ADAMTS17: variants seen among roughly 807,000 people sequenced by gnomAD.
ADAMTS17 encodes the protein ADAM metallopeptidase with thrombospondin type 1 motif 17, also known as A disintegrin and metalloproteinase with thrombospondin motifs 17.
A neutral mutation model predicts 141.5 loss-of-function variants in ADAMTS17; 113 were observed. The observed-to-expected ratio is 0.80, with a 90% CI of 0.69 to 0.93. ADAMTS17 has a LOEUF of 0.93. ADAMTS17 is among the 40% of genes least tolerant of loss of function. ADAMTS17 has a pLI of 0.00. For synonymous variants in ADAMTS17, 768 were observed against 630.6 expected (o/e 1.22, Z -3.27); for missense variants, 1,659 against 1,517.9 (o/e 1.09, Z -1.54).
chr15:100,107,977 G>A (rs947118492), intron 14 of ADAMTS17, among the ~76,000 whole-genome samples: 9 of 151,990 alleles, frequency 5.9e-5, no homozygotes, highest in Non-Finnish European at 7.4e-5. Flanking sequence ...ACAAAGCTTC[G>A]ACACCCACTC....
In ADAMTS17 at chr15:100,155,304, C is replaced by T. The variant is rs913400724; in HGVS notation, c.1198G>A (p.Asp400Asn). ...ELGHNLGMNH[D>N]DDHSSCAGRS... The stretch of plus-strand genomic sequence containing the variant: ...CCAGCGCAAGATGAGTGGTCATCGT[C>T]GTGGTTCATGCCCAAGCTGTCCAAG... The change falls in exon 9 of 22, where the codon GAC (aspartate) becomes AAC (asparagine). Residue 400 changes from aspartate (D) to asparagine (N), a missense_variant. Physicochemically the swap from Asp to Asn is conservative, Grantham distance 23. Transcript: ENST00000268070. 26 of 1,613,730 alleles carry T rather than the reference C, an allele frequency of 1.6e-5. No individual in the cohort carries two copies. The highest frequency in any genetic ancestry group is 1.3e-4 in the Admixed American group (8 of 59,960).
chr15:100,302,978 G>A (rs953824981), intron 3 of ADAMTS17, among the ~76,000 whole-genome samples: 20 of 151,606 alleles, frequency 1.3e-4, no homozygotes, highest in Admixed American at 5.3e-4. Flanking sequence ...CTCAAACATC[G>A]GACTCCAAGT....
chr15:100,204,563 C>G (rs540520035), intron 7 of ADAMTS17, among the ~76,000 whole-genome samples: 2 of 152,272 alleles, frequency 1.3e-5, no homozygotes, highest in Non-Finnish European at 2.9e-5. Context: ...TAGGATGTGA[C>G]AAAGGAAAAC....
intron 8 of ADAMTS17, among the ~76,000 whole-genome samples, chr15:100,156,558 C>T (rs531039837): frequency 6.6e-6 from 1 of 152,304 alleles, no homozygotes; most frequent in African/African-American, 2.4e-5. Flanking sequence ...ACCAATCTTC[C>T]ATTGTATTTA....
At chr15:100,006,489 G>T (rs1567668977) in intron 18 of ADAMTS17, among the ~76,000 whole-genome samples, 1 of 152,188 alleles carries the variant, frequency 6.6e-6, no homozygotes, top group Non-Finnish European at 1.5e-5. Flanking sequence ...ACACTTTTCT[G>T]ACACAGTTAT....
intron 8 of ADAMTS17, among the ~76,000 whole-genome samples, chr15:100,168,154 G>A (rs553618574): frequency 2.0e-5 from 3 of 152,280 alleles, no homozygotes; most frequent in African/African-American, 7.2e-5. Flanking sequence ...AGACAGGGAG[G>A]GCTCCGAGGA....
At chr15:100,178,271 T>TA (rs1441162313) in intron 8 of ADAMTS17, among the ~76,000 whole-genome samples, 3 of 152,180 alleles carry the variant, frequency 2.0e-5, no homozygotes, top group Non-Finnish European at 4.4e-5. Flanking sequence ...GAACATCAAT[T>TA]AGAGTTTGAT....
intron 4 of ADAMTS17, among the ~76,000 whole-genome samples, chr15:100,267,624 A>T (rs1466342330): frequency 6.6e-6 from 1 of 151,952 alleles, no homozygotes; most frequent in East Asian, 1.9e-4. Context: ...TCACCCCATC[A>T]CCCAGGTACT....
chr15:100,185,098 G>A (rs904131383), intron 8 of ADAMTS17, among the ~76,000 whole-genome samples: 2 of 152,196 alleles, frequency 1.3e-5, no homozygotes, highest in South Asian at 4.1e-4. Flanking sequence ...TGTGGCAGAG[G>A]CTATGGACAT....
chr15:100,327,022 G>A (rs1239507122), intron 3 of ADAMTS17, among the ~76,000 whole-genome samples: 2 of 152,086 alleles, frequency 1.3e-5, no homozygotes, highest in African/African-American at 2.4e-5. Flanking sequence ...ATTTCCAACC[G>A]AATGAATCTT....
chr15:100,328,620 C>T (rs2045961206), intron 3 of ADAMTS17, among the ~76,000 whole-genome samples: 1 of 152,154 alleles, frequency 6.6e-6, no homozygotes, highest in African/African-American at 2.4e-5. Flanking sequence ...TCACACCCAC[C>T]CCACCCTGAT....
intron 10 of ADAMTS17, among the ~76,000 whole-genome samples, chr15:100,149,499 C>T (rs1474038941): frequency 6.6e-6 from 1 of 152,174 alleles, no homozygotes; most frequent in East Asian, 1.9e-4. Context: ...TCCTGGTCAC[C>T]TGCTTTGACC....
chr15:100,214,774 T>C (rs1402889336), intron 7 of ADAMTS17, among the ~76,000 whole-genome samples: 1 of 152,208 alleles, frequency 6.6e-6, no homozygotes, highest in African/African-American at 2.4e-5. Flanking sequence ...TCTGTATTAG[T>C]TCCTTAGCTA....
chr15:99,993,335 A>G lies in ADAMTS17; in HGVS notation c.2797-135T>C, dbSNP rs2060729431. On this transcript the variant is annotated intron_variant, in intron 19 of 21. Coordinates refer to ENST00000268070, the MANE Select transcript of ADAMTS17 (RefSeq NM_139057.4). This position sits in a 1 kb window ranked among gnomAD's most constrained non-coding sequence, Gnocchi z 4.3. ...TGAAAACCCACACTTCTGTCCTCAA[A>G]AAGCTCCTGGTCTGCAGGGTCTTAC... The G allele has an allele frequency of 7.5e-7, 1 of 1,339,590 alleles. No individual in the cohort carries two copies. Among genetic ancestry groups the G allele is most frequent in the South Asian group, 1.2e-5 (1 of 83,174 alleles). 83.0% of individuals were successfully genotyped at this position (1,339,590 alleles called of 1,614,324 possible).
intron 18 of ADAMTS17, among the ~76,000 whole-genome samples, chr15:100,038,214 G>A (rs1596280264): frequency 6.6e-6 from 1 of 152,312 alleles, no homozygotes; most frequent in East Asian, 1.9e-4. Context: ...TCAGTTATAC[G>A]CCATTGTTCT....
chr15:100,261,553 T>A lies in ADAMTS17; in HGVS notation c.957A>T (p.Arg319=). The change falls in exon 6 of 22, where the codon CGA becomes CGT. Residue 319 remains arginine (R), a synonymous_variant. Coordinates refer to ENST00000268070, the MANE Select transcript of ADAMTS17 (RefSeq NM_139057.4). ...HWQNEEYGGA[R]YLGNNQVPGG... is the part of the protein sequence containing the mutation. The stretch of plus-strand genomic sequence containing the variant: ...CGGGAACCTGGTTATTGCCGAGGTA[T>A]CGCGCTCCTCCATACTCCTCGTTCT... 3 of 1,614,146 alleles carry A rather than the reference T, an allele frequency of 1.9e-6. No individual in the cohort carries two copies. The highest frequency in any genetic ancestry group is 1.7e-6 in the Non-Finnish European group (2 of 1,180,024).
chr15:100,283,087 A>G (rs2044337288), intron 3 of ADAMTS17, among the ~76,000 whole-genome samples: 1 of 152,230 alleles, frequency 6.6e-6, no homozygotes, highest in Non-Finnish European at 1.5e-5. Flanking sequence ...AGAAAAACAC[A>G]GGCATCACTT....
intron 17 of ADAMTS17, among the ~76,000 whole-genome samples, chr15:100,049,306 C>T (rs1187805599): frequency 6.6e-6 from 1 of 152,180 alleles, no homozygotes; most frequent in African/African-American, 2.4e-5. Flanking sequence ...CCAAAGATTG[C>T]TCATCTTTTT....
At chr15:100,140,661 A>T (rs2038597618) in intron 10 of ADAMTS17, among the ~76,000 whole-genome samples, 1 of 152,004 alleles carries the variant, frequency 6.6e-6, no homozygotes, top group Non-Finnish European at 1.5e-5. Context: ...TGAGACAGAC[A>T]CTTCCTGTTC....
Sources: allele counts gnomAD v4.1 joint callset (sites outside exome capture counted in the v4.1 genomes callset), GRCh38; gene constraint gnomAD v4.1.1; non-coding constraint Gnocchi (gnomAD v3.1); transcripts MANE v1.5; gene names NCBI Gene and HGNC (gene_info 2026-07-23, HGNC 2026-07-21).